Variants in ATP2C1 observed in about 807,000 individuals in gnomAD.
The protein encoded by ATP2C1 is calcium-transporting ATPase type 2C member 1.
A neutral mutation model predicts 120.5 loss-of-function variants in ATP2C1; 31 were observed. The ratio of observed to expected loss-of-function variants is 0.26; its 90% CI spans 0.19 to 0.35. The LOEUF (loss-of-function observed/expected upper bound fraction) is 0.35. Among genes scored for constraint, ATP2C1 ranks in the 10% least tolerant of loss-of-function variants. The pLI is 1.00. For missense variants in ATP2C1, 731 were observed against 1,107.5 expected (o/e 0.66, Z 4.83); for synonymous variants, 351 against 358.7 (o/e 0.98, Z 0.24).
rs770610739 is a variant in ATP2C1 at position 130,964,023 on chromosome 3, C to T, written c.952C>T (p.Leu318=). The T allele has an allele frequency of 6.2e-7, 1 of 1,612,694 alleles. No individual in the cohort carries two copies. The highest frequency in any genetic ancestry group is 1.3e-5 in the African/African-American group (1 of 74,838). ...TCTCCCCATTGTGGTCACAGTGACG[C>T]TAGCTCTTGGTGTTATGAGAATGGT... ...EGLPIVVTVT[L]ALGVMRMVKK... is the part of the protein sequence containing the mutation. The change falls in exon 13 of 28, where the codon CTA becomes TTA. Residue 318 remains leucine (L), a synonymous_variant. Transcript: ENST00000510168.
At chr3:130,874,378 C>T (rs942490062) in intron 1 of ATP2C1, among the ~76,000 whole-genome samples, 3 of 152,170 alleles carry the variant, frequency 2.0e-5, no homozygotes, top group African/African-American at 7.2e-5. Context: ...AGTTTTTGGA[C>T]ATCTTATTCT....
At chr3:130,971,308 A>T (rs1196702160) in intron 17 of ATP2C1, among the ~76,000 whole-genome samples, 1 of 152,172 alleles carries the variant, frequency 6.6e-6, no homozygotes, top group African/African-American at 2.4e-5. Flanking sequence ...GGGGACAGAA[A>T]GTGGCAGGAT....
At chr3:130,976,059 T>C (rs1388406583) in intron 18 of ATP2C1, among the ~76,000 whole-genome samples, 1 of 152,164 alleles carries the variant, frequency 6.6e-6, no homozygotes, top group Non-Finnish European at 1.5e-5. Flanking sequence ...TGTCCTAACC[T>C]GATTCTTACC....
chr3:130,921,325 G>T (rs561054637), intron 2 of ATP2C1, among the ~76,000 whole-genome samples: 1 of 152,130 alleles, frequency 6.6e-6, no homozygotes, highest in African/African-American at 2.4e-5. Context: ...CAAGTGATCC[G>T]CCCACCTCGG....
At chr3:130,892,364 G>A (rs185636554), upstream of ATP2C1, among the ~76,000 whole-genome samples, 5 of 152,284 alleles carry the variant, frequency 3.3e-5, no homozygotes, top group African/African-American at 7.2e-5. Flanking sequence ...AATTGATTAC[G>A]AGAGATCACA....
intron 10 of ATP2C1, chr3:130,955,841 AAAGG>A (rs1576871359): frequency 2.9e-6 from 1 of 346,684 alleles, no homozygotes. Flanking sequence ...TTTTTCCTCA[AAAGG>A]AAGCATAGAG....
At chr3:130,986,230 T>G (rs1370603809) in intron 20 of ATP2C1, among the ~76,000 whole-genome samples, 1 of 150,154 alleles carries the variant, frequency 6.7e-6, no homozygotes. Flanking sequence ...AATCTCTTCC[T>G]GAAGTTTATT....
intron 2 of ATP2C1, among the ~76,000 whole-genome samples, chr3:130,906,772 G>A (rs192359983): frequency 1.3e-5 from 2 of 150,972 alleles, no homozygotes; most frequent in African/African-American, 4.9e-5. Flanking sequence ...GATGTGTCAA[G>A]GATCTTTTGC....
At chr3:130,915,426 T>C (rs1179016026) in intron 2 of ATP2C1, among the ~76,000 whole-genome samples, 2 of 152,088 alleles carry the variant, frequency 1.3e-5, no homozygotes, top group Non-Finnish European at 2.9e-5. Context: ...ATGTACAGTT[T>C]TTGTTTAGGG....
chr3:130,935,997 A>G (rs1007630948), intron 5 of ATP2C1, among the ~76,000 whole-genome samples: 2 of 152,218 alleles, frequency 1.3e-5, no homozygotes, highest in African/African-American at 4.8e-5. Context: ...TTGGGTAACC[A>G]GCAGATTCTT....
chr3:130,941,346 T>G (rs1231485785), intron 7 of ATP2C1, among the ~76,000 whole-genome samples: 2 of 152,090 alleles, frequency 1.3e-5, no homozygotes, highest in Non-Finnish European at 2.9e-5. Flanking sequence ...GGTATAGTGA[T>G]TCACAATCAA....
chr3:131,012,466 C>T (rs1319704105), intron 26 of ATP2C1, among the ~76,000 whole-genome samples: 1 of 151,962 alleles, frequency 6.6e-6, no homozygotes, highest in East Asian at 1.9e-4. Context: ...CCATGTCGGC[C>T]AGGCTGGTCT....
chr3:130,853,613 A>G (rs1441073669), intron 1 of ATP2C1, among the ~76,000 whole-genome samples: 1 of 152,072 alleles, frequency 6.6e-6, no homozygotes, highest in Non-Finnish European at 1.5e-5. Flanking sequence ...ATCCTTCAAT[A>G]CTTGGATTAA....
chr3:130,962,716 A>T (rs1576899965), intron 12 of ATP2C1, among the ~76,000 whole-genome samples: 1 of 4,038 alleles, frequency 2.5e-4, no homozygotes, highest in Non-Finnish European at 1.6e-3. Flanking sequence ...TGGAAGCATT[A>T]AAAAAAAAAA....
chr3:131,010,302 G>A (rs62282200), intron 26 of ATP2C1, among the ~76,000 whole-genome samples: 3 of 150,000 alleles, frequency 2.0e-5, no homozygotes, highest in Non-Finnish European at 3.0e-5. Flanking sequence ...ACCATTCTCC[G>A]GCCTCAGCCT....
At chr3:130,924,439 T>C in intron 2 of ATP2C1, among the ~76,000 whole-genome samples, 1 of 152,228 alleles carries the variant, frequency 6.6e-6, no homozygotes, top group South Asian at 2.1e-4. Flanking sequence ...TGCTGAAAGA[T>C]ACACTGTTAA....
intron 2 of ATP2C1, 105 bp from the exon 3 acceptor site, chr3:130,930,311 T>C (rs1310554090): frequency 1.8e-5 from 14 of 770,536 alleles, no homozygotes; most frequent in Non-Finnish European, 3.0e-5. Context: ...AATATTTTTC[T>C]AACTGGAAAA....
Position 131,001,814 on chromosome 3 carries a change from A to G in ATP2C1, c.*464A>G, listed in dbSNP as rs1003030020. On this transcript the variant is annotated 3_prime_UTR_variant, in exon 28 of 28. Coordinates refer to ENST00000510168, the MANE Select transcript of ATP2C1 (RefSeq NM_001378687.1). ...TTAGAAGTTGATTCCCAGGAGTGCC[A>G]TATTTCAGCTACTGTATTTCCTTTT... 2.0e-6 allele frequency: 2 copies of G among 986,024 alleles called. No individual in the cohort carries two copies. Among genetic ancestry groups the G allele is most frequent in the African/African-American group, 1.7e-5 (1 of 57,226 alleles). The allele number at this position is 986,024 out of a possible 1,614,324, so 61.1% of individuals were successfully genotyped here.
At chr3:130,933,559 C>G (rs934378381) in intron 4 of ATP2C1, among the ~76,000 whole-genome samples, 1 of 152,186 alleles carries the variant, frequency 6.6e-6, no homozygotes, top group Non-Finnish European at 1.5e-5. Context: ...CCTAGGTACT[C>G]TGACTCAGTC....
Sources: gnomAD v4.1 joint callset for allele counts (sites outside exome capture counted in the v4.1 genomes callset) on GRCh38, gnomAD v4.1.1 for gene constraint, MANE v1.5 for transcripts, NCBI Gene and HGNC (gene_info 2026-07-23, HGNC 2026-07-21) for gene names.